The following DAB1 variants were observed in gnomAD, a reference collection of about 807,000 sequenced individuals.
DAB1 encodes the protein DAB adaptor protein 1.
DAB1 carries 15 observed loss-of-function variants against 64.6 expected under a neutral mutation model. The observed-to-expected ratio is 0.23, with a 90% CI of 0.16 to 0.36. DAB1 has a LOEUF of 0.36. DAB1 is among the 10% of genes least tolerant of loss of function. DAB1 has a pLI of 1.00. For missense variants in DAB1, 596 were observed against 706.7 expected, an observed-to-expected ratio of 0.84 and a Z score of 1.78; for synonymous variants, 235 against 251.9, an observed-to-expected ratio of 0.93 and a Z score of 0.64.
intron 1 of DAB1, among the ~76,000 whole-genome samples, chr1:57,335,228 G>A (rs975638952): frequency 2.6e-5 from 4 of 151,588 alleles, no homozygotes; most frequent in Non-Finnish European, 4.4e-5. Context: ...GTGTTAAAGA[G>A]CAACTTTACG....
intron 9 of DAB1, among the ~76,000 whole-genome samples, chr1:57,034,453 G>C (rs1647070831): frequency 6.6e-6 from 1 of 152,216 alleles, no homozygotes; most frequent in South Asian, 2.1e-4. Flanking sequence ...ATTACACCAT[G>C]AACTTTCTCA....
intron 1 of DAB1, among the ~76,000 whole-genome samples, chr1:57,384,040 A>G (rs1352155782): frequency 1.3e-5 from 2 of 152,338 alleles, no homozygotes; most frequent in African/African-American, 4.8e-5. Context: ...TATTCTTACA[A>G]CTCAACAAGA....
chr1:57,467,728 A>C (rs1162850357), intron 7 of DAB1, among the ~76,000 whole-genome samples: 1 of 152,194 alleles, frequency 6.6e-6, no homozygotes, highest in African/African-American at 2.4e-5. Context: ...GGTTTACTAG[A>C]TACTCTCACT....
intron 7 of DAB1, among the ~76,000 whole-genome samples, chr1:57,472,114 C>A (rs1339683018): frequency 6.6e-6 from 1 of 152,234 alleles, no homozygotes; most frequent in Non-Finnish European, 1.5e-5. Flanking sequence ...CTCTCAGTTA[C>A]CTAGTGAGTA....
intron 4 of DAB1, among the ~76,000 whole-genome samples, chr1:57,099,833 T>C (rs975360053): frequency 2.0e-5 from 3 of 152,142 alleles, no homozygotes; most frequent in South Asian, 2.1e-4. Context: ...TGTATTTGAA[T>C]TGATGGTAAA....
rs576114365 is a variant in DAB1 at position 57,695,934 on chromosome 1, T to C, written n.552-46269A>G. ...CAAAAAAAGGCAAATGGAGACCAGT[T>C]AGAAGGGAAATTTCTTTTCTGTAGT... On this transcript the variant is annotated intron_variant and non_coding_transcript_variant, in intron 6 of 20. Coordinates refer to the DAB1 transcript ENST00000485760. Among the ~76,000 whole-genome samples, 139 of 152,230 alleles carry C rather than the reference T, an allele frequency of 9.1e-4. 1 individual carries two copies. Among genetic ancestry groups the C allele is most frequent in the Admixed American group, 1.6e-3 (25 of 15,274 alleles).
At chr1:58,326,016 G>A (rs962702240) in intron 4 of DAB1, among the ~76,000 whole-genome samples, 2 of 152,254 alleles carry the variant, frequency 1.3e-5, no homozygotes, top group East Asian at 3.9e-4. Context: ...CCCTCTGGAG[G>A]TGGCAGGCCT....
chr1:57,131,550 T>C (rs553574534), intron 4 of DAB1, among the ~76,000 whole-genome samples: 17 of 152,254 alleles, frequency 1.1e-4, no homozygotes, highest in Non-Finnish European at 8.8e-5. Context: ...TCCTAACTCC[T>C]TCCCTGGGAC....
At chr1:57,241,806 A>T (rs1284993730) in intron 2 of DAB1, among the ~76,000 whole-genome samples, 1 of 152,038 alleles carries the variant, frequency 6.6e-6, no homozygotes, top group East Asian at 1.9e-4. Context: ...AATTCCTCTA[A>T]CCTGCTGGGC....
chr1:57,259,137 G>T (rs1250762961), intron 2 of DAB1, among the ~76,000 whole-genome samples: 1 of 152,156 alleles, frequency 6.6e-6, no homozygotes, highest in Non-Finnish European at 1.5e-5. Context: ...ACAACTCCCT[G>T]TACCAACATT....
chr1:57,429,375 A>G (rs957958885), intron 7 of DAB1, among the ~76,000 whole-genome samples: 1 of 152,216 alleles, frequency 6.6e-6, no homozygotes, highest in African/African-American at 2.4e-5. Flanking sequence ...AATTCCTTAC[A>G]TATTTTGAGT....
chr1:58,180,264 T>C (rs975635123), intron 4 of DAB1, among the ~76,000 whole-genome samples: 25 of 144,426 alleles, frequency 1.7e-4, no homozygotes, highest in African/African-American at 6.2e-4. Flanking sequence ...ATCTTTCTTT[T>C]TTCTTTTTTT....
chr1:57,153,243 C>T (rs1659867638), intron 2 of DAB1, among the ~76,000 whole-genome samples: 1 of 152,112 alleles, frequency 6.6e-6, no homozygotes, highest in Non-Finnish European at 1.5e-5. Context: ...CCAGGCTGGT[C>T]TCGAACTCTT....
chr1:58,145,352 A>G (rs1364500428), intron 5 of DAB1, among the ~76,000 whole-genome samples: 2 of 152,076 alleles, frequency 1.3e-5, no homozygotes, highest in Non-Finnish European at 2.9e-5. Context: ...ACTGGTGGCC[A>G]TTATCCGCAA....
intron 4 of DAB1, among the ~76,000 whole-genome samples, chr1:57,089,670 C>A (rs1410102501): frequency 1.3e-5 from 2 of 152,164 alleles, no homozygotes; most frequent in Non-Finnish European, 2.9e-5. Flanking sequence ...CGGGATCCGT[C>A]CCCGTGACCC....
intron 5 of DAB1, among the ~76,000 whole-genome samples, chr1:57,914,988 T>TA: frequency 6.6e-6 from 1 of 152,210 alleles, no homozygotes; most frequent in African/African-American, 2.4e-5. Flanking sequence ...AAAATGTATC[T>TA]TACTATGCTA....
At chr1:57,899,979 A>C (rs1644450430) in intron 5 of DAB1, among the ~76,000 whole-genome samples, 2 of 149,760 alleles carry the variant, frequency 1.3e-5, no homozygotes, top group Non-Finnish European at 1.5e-5. Context: ...TCACTTTGCC[A>C]CTCAGGCTGG....
rs143058397 is a variant in DAB1, at chr1:58,238,247, T to C, written n.310-87659A>G. 8.5e-3 allele frequency among the ~76,000 whole-genome samples: 1,300 copies of C among 152,286 alleles called. 7 individuals carry two copies. The highest frequency in any genetic ancestry group is 0.012 in the Non-Finnish European group (850 of 68,012). ...AGAAGTGGTTGCTGGGTGCTCTGAC[T>C]ACATCCAGGGAAGTCACCTCACCCA... On this transcript the variant is annotated intron_variant and non_coding_transcript_variant, in intron 4 of 20. Coordinates refer to the DAB1 transcript ENST00000485760.
intron 4 of DAB1, among the ~76,000 whole-genome samples, chr1:58,336,887 C>G (rs1052117211): frequency 2.0e-5 from 3 of 152,154 alleles, no homozygotes; most frequent in African/African-American, 7.2e-5. Flanking sequence ...GATTTAAGCC[C>G]AGATCTGGGC....
Sources: gnomAD v4.1 joint callset for allele counts (sites outside exome capture counted in the v4.1 genomes callset) on GRCh38, gnomAD v4.1.1 for gene constraint, MANE v1.5 for transcripts, NCBI Gene and HGNC (gene_info 2026-07-23, HGNC 2026-07-21) for gene names.